OMA1: variants seen among roughly 807,000 people sequenced by gnomAD.
OMA1 encodes the protein metalloendopeptidase OMA1, mitochondrial.
OMA1 carries 38 observed loss-of-function variants against 30.9 expected under a neutral mutation model. The observed-to-expected ratio is 1.23, with a 90% CI of 0.95 to 1.61. The LOEUF (loss-of-function observed/expected upper bound fraction) is 1.61, where lower values mean the gene tolerates loss of function less well. Among genes scored for constraint, OMA1 ranks in the 40% most tolerant of loss-of-function variants. OMA1 has a pLI of 0.00. For missense variants in OMA1, 461 were observed against 349.2 expected (o/e 1.32, Z -2.55); for synonymous variants, 173 against 121.9 (o/e 1.42, Z -2.76).
chr1:58,530,915 A>G lies in OMA1; in HGVS notation c.1012-186T>C, dbSNP rs368075019. ...CCTTCCTTGGTTTATCTACTTATATACCTATTCATTCATTTAACTAGTATC... is the reference window on the plus strand; with the variant it reads ...CCTTCCTTGGTTTATCTACTTATATGCCTATTCATTCATTTAACTAGTATC... On this transcript the variant is annotated intron_variant, in intron 5 of 8. Coordinates refer to ENST00000371226, the MANE Select transcript of OMA1 (RefSeq NM_145243.5). Among the ~76,000 whole-genome samples, 268 of 152,142 alleles carry G rather than the reference A, an allele frequency of 1.8e-3. 6 individuals are homozygous for G. The South Asian group carries it at 0.052, about 30-fold the overall frequency.
Position 58,480,778 on chromosome 1 carries a change from A to G in OMA1, c.*187T>C. 4.4e-6 allele frequency: 2 copies of G among 457,156 alleles called. No homozygotes were observed. The highest frequency in any genetic ancestry group is 2.0e-5 in the African/African-American group (1 of 49,908). 28.3% of individuals were successfully genotyped at this position (457,156 alleles called of 1,614,324 possible). A position where few individuals can be genotyped will look rare whatever the true frequency, so the allele number is the denominator to read the frequency against. ...TTCCTCATTGAAGATATTTTAACAT[A>G]GATTAAAATACATCAATATTTCATG... On this transcript the variant is annotated 3_prime_UTR_variant, in exon 9 of 9. Transcript: ENST00000371226.
chr1:58,514,209 T>C (rs1275281686), intron 7 of OMA1, among the ~76,000 whole-genome samples: 1 of 152,194 alleles, frequency 6.6e-6, no homozygotes, highest in East Asian at 1.9e-4. Flanking sequence ...TATAAATGTA[T>C]ATGAATATGC....
At chr1:58,489,500 G>C (rs963903948) in intron 8 of OMA1, among the ~76,000 whole-genome samples, 23 of 152,186 alleles carry the variant, frequency 1.5e-4, no homozygotes, top group African/African-American at 5.1e-4. Context: ...TGCCTGTGTA[G>C]ACTCCACCTC....
intron 8 of OMA1, among the ~76,000 whole-genome samples, chr1:58,502,362 T>C (rs1453884106): frequency 6.6e-6 from 1 of 152,236 alleles, no homozygotes; most frequent in Admixed American, 6.5e-5. Flanking sequence ...ATACTGTTAC[T>C]TTGATCTTTT....
chr1:58,495,758 G>GT (rs1048053179), intron 8 of OMA1, among the ~76,000 whole-genome samples: 53 of 152,002 alleles, frequency 3.5e-4, no homozygotes, highest in African/African-American at 1.3e-3. Flanking sequence ...TAGTTCCACT[G>GT]TTTTTTGTTT....
chr1:58,531,724 T>G (rs921269864), intron 5 of OMA1, among the ~76,000 whole-genome samples: 149 of 147,066 alleles, frequency 1.0e-3, no homozygotes, highest in African/African-American at 3.8e-3. Flanking sequence ...ATCTTTTTTT[T>G]TTTGAGACAG....
chr1:58,503,529 T>G (rs918758717), intron 8 of OMA1, among the ~76,000 whole-genome samples: 1 of 152,156 alleles, frequency 6.6e-6, no homozygotes, highest in Non-Finnish European at 1.5e-5. Context: ...AATTTATATG[T>G]TGAAATTCCA....
chr1:58,501,117 T>C (rs887868057), intron 8 of OMA1, among the ~76,000 whole-genome samples: 1 of 152,196 alleles, frequency 6.6e-6, no homozygotes, highest in Admixed American at 6.5e-5. Flanking sequence ...AATTATAACA[T>C]ATCAGCTTAT....
chr1:58,514,503 G>C (rs769522819), intron 7 of OMA1, among the ~76,000 whole-genome samples: 1 of 152,136 alleles, frequency 6.6e-6, no homozygotes, highest in Non-Finnish European at 1.5e-5. Context: ...GCTCCTGTTA[G>C]CCATCACCCC....
At chr1:58,529,682 G>A (rs1390823551) in intron 6 of OMA1, among the ~76,000 whole-genome samples, 1 of 151,936 alleles carries the variant, frequency 6.6e-6, no homozygotes, top group African/African-American at 2.4e-5. Flanking sequence ...CTATATCTGT[G>A]GATTATGCAC....
Position 58,530,592 on chromosome 1 carries a change from C to T in OMA1, c.1140+9G>A. On this transcript the variant is annotated intron_variant, in intron 6 of 8. Coordinates refer to ENST00000371226, the MANE Select transcript of OMA1 (RefSeq NM_145243.5). ...CTATGATCAATTCAAGTTATTGTCT[C>T]AGACTTACCTCCTGCAATTTAGACT... The T allele has an allele frequency of 1.1e-6, 1 of 870,348 alleles. No homozygotes were observed. The highest frequency in any genetic ancestry group is 2.0e-6 in the Non-Finnish European group (1 of 500,338). The allele number at this position is 870,348 out of a possible 1,614,324, so 53.9% of individuals were successfully genotyped here. A position where few individuals can be genotyped will look rare whatever the true frequency, so the allele number is the denominator to read the frequency against.
intron 8 of OMA1, among the ~76,000 whole-genome samples, chr1:58,495,576 CA>C (rs1645785874): frequency 7.4e-6 from 1 of 134,360 alleles, no homozygotes; most frequent in Admixed American, 7.2e-5. Flanking sequence ...TATATTTAAA[CA>C]AACAAAACTG....
At chr1:58,507,828 T>G (rs1006338940) in intron 7 of OMA1, among the ~76,000 whole-genome samples, 5 of 152,060 alleles carry the variant, frequency 3.3e-5, no homozygotes, top group African/African-American at 1.2e-4. Context: ...CAGGCTGAGA[T>G]TAACAAGTAT....
chr1:58,527,415 A>C (rs1031410548), intron 6 of OMA1, 80 bp from the exon 7 acceptor site: 36 of 758,938 alleles, frequency 4.7e-5, no homozygotes, highest in Non-Finnish European at 7.6e-5. Context: ...ATTTTTAAAA[A>C]ACAGTTTCAT....
Position 58,480,846 on chromosome 1 carries a change from C to T in OMA1, c.*119G>A. The T allele has an allele frequency of 1.6e-6, 1 of 637,436 alleles. No individual in the cohort carries two copies. Among genetic ancestry groups the T allele is most frequent in the South Asian group, 2.3e-5 (1 of 44,382 alleles). The allele number at this position is 637,436 out of a possible 1,614,324, so 39.5% of individuals were successfully genotyped here. On this transcript the variant is annotated 3_prime_UTR_variant, in exon 9 of 9. Coordinates refer to ENST00000371226, the MANE Select transcript of OMA1 (RefSeq NM_145243.5). ...GAATTTAGATAATATCTGTAATGTA[C>T]ATGATTTGACCCTGAATATCCTTTT...
chr1:58,527,270 A>C lies in OMA1; in HGVS notation c.1206T>G (p.Leu402=). The C allele has an allele frequency of 2.3e-6, 2 of 872,326 alleles. No homozygotes were observed. Among genetic ancestry groups the C allele is most frequent in the Non-Finnish European group, 4.0e-6 (2 of 501,242 alleles). 54.0% of individuals were successfully genotyped at this position (872,326 alleles called of 1,614,324 possible). A position where few individuals can be genotyped will look rare whatever the true frequency, so the allele number is the denominator to read the frequency against. ...CTACTAAACACTTTACCTTTGCAGC[A>C]AGCAGTAGTCCAATTTTGTCAGCTT... ...EAEADKIGLL[L]AAKACADIRA... Residue 402 remains leucine (L), a synonymous_variant, in exon 7 of 9, where the codon CTT becomes CTG. Coordinates refer to ENST00000371226, the MANE Select transcript of OMA1 (RefSeq NM_145243.5).
intron 8 of OMA1, among the ~76,000 whole-genome samples, 197 bp downstream of exon 8, chr1:58,505,863 T>C (rs1047394575): frequency 6.6e-6 from 1 of 152,198 alleles, no homozygotes; most frequent in African/African-American, 2.4e-5. Context: ...CTGTACATAG[T>C]AATTTATTCT....
chr1:58,532,621 AG>A (rs1646451869), intron 5 of OMA1, among the ~76,000 whole-genome samples: 1 of 152,104 alleles, frequency 6.6e-6, no homozygotes, highest in Non-Finnish European at 1.5e-5. Flanking sequence ...TTGATCTCCC[AG>A]GCTCAAGCAA....
chr1:58,514,940 C>A (rs529683860), intron 7 of OMA1, among the ~76,000 whole-genome samples: 4 of 152,152 alleles, frequency 2.6e-5, no homozygotes, highest in Non-Finnish European at 5.9e-5. Context: ...CTATACCTCA[C>A]AGGGTTGTTA....
Sources: allele counts gnomAD v4.1 joint callset (sites outside exome capture counted in the v4.1 genomes callset), GRCh38; gene constraint gnomAD v4.1.1; transcripts MANE v1.5; gene names NCBI Gene and HGNC (gene_info 2026-07-23, HGNC 2026-07-21).